CNTN1: variants seen among roughly 807,000 people sequenced by gnomAD.
CNTN1 encodes the protein contactin 1, also known as contactin-1.
CNTN1 carries 38 observed loss-of-function variants against 126.4 expected under a neutral mutation model. The ratio of observed to expected loss-of-function variants is 0.30; its 90% confidence interval spans 0.23 to 0.39. The LOEUF (loss-of-function observed/expected upper bound fraction) is 0.39. Ranked by LOEUF, CNTN1 falls within the 10% of genes least tolerant of loss-of-function variation. CNTN1 has a pLI of 1.00. For synonymous variants in CNTN1, 413 were observed against 422.6 expected, an observed-to-expected ratio of 0.98 and a Z score of 0.28; for missense variants, 1,009 against 1,248.4, an observed-to-expected ratio of 0.81 and a Z score of 2.89.
At chr12:40,851,522 G>A (rs1410910972) in intron 1 of CNTN1, among the ~76,000 whole-genome samples, 1 of 152,150 alleles carries the variant, frequency 6.6e-6, no homozygotes, top group Non-Finnish European at 1.5e-5. Flanking sequence ...CCTCTCTGGG[G>A]TTAGTCTTGC....
At chr12:40,845,082 T>C (rs1942450776) in intron 1 of CNTN1, among the ~76,000 whole-genome samples, 1 of 152,178 alleles carries the variant, frequency 6.6e-6, no homozygotes, top group Non-Finnish European at 1.5e-5. Context: ...TGGTGCCCAT[T>C]GAGATATGCT....
chr12:40,977,035 C>G (rs1947693563), intron 15 of CNTN1, among the ~76,000 whole-genome samples: 2 of 152,100 alleles, frequency 1.3e-5, no homozygotes, highest in African/African-American at 4.8e-5. Flanking sequence ...GTCCTGACGA[C>G]CTGTTCCCGA....
chr12:41,051,433 G>T (rs533280223), intron 23 of CNTN1, among the ~76,000 whole-genome samples: 50 of 151,958 alleles, frequency 3.3e-4, no homozygotes, highest in African/African-American at 1.2e-3. Context: ...TTACAGGTGT[G>T]AGCCACCGCA....
At chr12:40,816,486 C>T (rs890255351) in intron 1 of CNTN1, among the ~76,000 whole-genome samples, 6 of 151,932 alleles carry the variant, frequency 3.9e-5, no homozygotes, top group African/African-American at 1.2e-4. Flanking sequence ...TCTGTGGGGT[C>T]GATGGTGATG....
At chr12:41,059,750 T>G (rs1367115166) in intron 23 of CNTN1, among the ~76,000 whole-genome samples, 1 of 152,098 alleles carries the variant, frequency 6.6e-6, no homozygotes, top group African/African-American at 2.4e-5. Flanking sequence ...ACAGGCCAAG[T>G]GCAGTGGCCT....
intron 19 of CNTN1, among the ~76,000 whole-genome samples, chr12:41,019,689 A>G (rs1057486737): frequency 2.0e-5 from 3 of 152,168 alleles, no homozygotes; most frequent in Admixed American, 2.0e-4. Flanking sequence ...CCCAGTTGGA[A>G]GATTAGACAT....
chr12:41,055,144 T>A (rs1949775571), intron 23 of CNTN1, among the ~76,000 whole-genome samples: 1 of 151,456 alleles, frequency 6.6e-6, no homozygotes, highest in Non-Finnish European at 1.5e-5. Flanking sequence ...AAGGGAATTA[T>A]TTTTTTTATT....
chr12:40,832,261 C>T (rs1315884961), intron 1 of CNTN1, among the ~76,000 whole-genome samples: 1 of 152,312 alleles, frequency 6.6e-6, no homozygotes, highest in Non-Finnish European at 1.5e-5. Context: ...AATAGTCATG[C>T]ACCACATAAA....
At chr12:40,859,347 T>C (rs777938761) in intron 1 of CNTN1, among the ~76,000 whole-genome samples, 3 of 152,016 alleles carry the variant, frequency 2.0e-5, no homozygotes, top group Non-Finnish European at 4.4e-5. Context: ...TCATCAATTG[T>C]AACAAAAGCC....
chr12:40,875,268 G>A (rs943449190), intron 1 of CNTN1, among the ~76,000 whole-genome samples: 1 of 151,958 alleles, frequency 6.6e-6, no homozygotes, highest in Non-Finnish European at 1.5e-5. Context: ...TACCCAGTTT[G>A]CCCCAGGGAT....
chr12:40,904,797 A>G (rs1469507030), intron 1 of CNTN1, among the ~76,000 whole-genome samples: 3 of 152,178 alleles, frequency 2.0e-5, no homozygotes, highest in Non-Finnish European at 2.9e-5. Flanking sequence ...TGGTCCATTC[A>G]TTTCATCATT....
intron 14 of CNTN1, among the ~76,000 whole-genome samples, chr12:40,958,607 G>C (rs562058527): frequency 6.6e-6 from 1 of 152,108 alleles, no homozygotes; most frequent in South Asian, 2.1e-4. Context: ...TTTGGCAACA[G>C]AGTACATGTT....
intron 15 of CNTN1, 41 bp from the exon 16 acceptor site, chr12:40,980,868 A>G: frequency 6.3e-7 from 1 of 1,585,860 alleles, no homozygotes; most frequent in Non-Finnish European, 8.7e-7. Context: ...TTGACTCACT[A>G]GATGGAATTC....
chr12:40,730,576 T>G (rs1189615193), intron 1 of CNTN1, among the ~76,000 whole-genome samples: 1 of 152,192 alleles, frequency 6.6e-6, no homozygotes, highest in Admixed American at 6.5e-5. Context: ...ATGTTCCTTT[T>G]GACAGTTGTC....
Position 40,943,731 on chromosome 12 carries a change from T to G in CNTN1, c.1507+7T>G. On this transcript the variant is annotated splice_region_variant and intron_variant, in intron 13 of 23. Transcript: ENST00000551295. ...GGAACCCTTGTTATCACAGGTAAGT[T>G]AATGTTTGAGGGTGCTTAATTTCTA... 1 of 1,612,584 alleles carries G rather than the reference T, an allele frequency of 6.2e-7. No homozygotes were observed. Among genetic ancestry groups the G allele is most frequent in the South Asian group, 1.1e-5 (1 of 91,050 alleles).
At chr12:41,013,733 C>T (rs868458331) in intron 17 of CNTN1, among the ~76,000 whole-genome samples, 19 of 152,154 alleles carry the variant, frequency 1.2e-4, no homozygotes, top group Admixed American at 2.0e-4. Flanking sequence ...GAGTCACTGA[C>T]GGCGCAGTTT....
intron 1 of CNTN1, among the ~76,000 whole-genome samples, chr12:40,817,546 A>T (rs1331181328): frequency 9.0e-6 from 1 of 111,022 alleles, no homozygotes; most frequent in Non-Finnish European, 1.7e-5. Context: ...CTTTCTTTTG[A>T]GACTGTGTGT....
intron 1 of CNTN1, among the ~76,000 whole-genome samples, chr12:40,738,892 G>T (rs1937812621): frequency 6.6e-6 from 1 of 151,976 alleles, no homozygotes; most frequent in Non-Finnish European, 1.5e-5. Context: ...GCTCAATCTG[G>T]CAATATTTAG....
chr12:40,828,629 G>T (rs539452587), intron 1 of CNTN1, among the ~76,000 whole-genome samples: 26 of 152,294 alleles, frequency 1.7e-4, no homozygotes, highest in Non-Finnish European at 3.1e-4. Flanking sequence ...TTTTAGCACG[G>T]CTGTGGCATC....
Sources: allele counts gnomAD v4.1 joint callset (sites outside exome capture counted in the v4.1 genomes callset), GRCh38; gene constraint gnomAD v4.1.1; transcripts MANE v1.5; gene names NCBI Gene and HGNC (gene_info 2026-07-23, HGNC 2026-07-21).